PRKCB: variants seen among roughly 807,000 people sequenced by gnomAD.
The protein encoded by PRKCB is protein kinase C beta, also known as protein kinase C beta type.
PRKCB carries 13 observed loss-of-function variants against 81.5 expected under a neutral mutation model. The observed-to-expected ratio is 0.16, with a 90% CI of 0.10 to 0.25. The LOEUF (loss-of-function observed/expected upper bound fraction) is 0.25. PRKCB is among the 10% of genes least tolerant of loss of function. The probability of loss-of-function intolerance (pLI) is 1.00; values close to 1 mark genes in which losing one functional copy is unlikely to be tolerated. For synonymous variants in PRKCB, 335 were observed against 321.4 expected, an observed-to-expected ratio of 1.04 and a Z score of -0.45; for missense variants, 509 against 875.7, an observed-to-expected ratio of 0.58 and a Z score of 5.29.
intron 7 of PRKCB, among the ~76,000 whole-genome samples, chr16:24,108,642 CAT>C (rs2141913902): frequency 6.6e-6 from 1 of 150,448 alleles, no homozygotes; most frequent in East Asian, 1.9e-4. Context: ...GGACACAGCA[CAT>C]GTTTCAGAGA....
chr16:23,977,512 A>G (rs78358255), intron 2 of PRKCB, among the ~76,000 whole-genome samples: 11,838 of 152,194 alleles, frequency 0.078, 661 homozygotes, highest in South Asian at 0.15. Context: ...AGAATTGTAT[A>G]TGGGCAAAAC....
chr16:23,872,136 G>C (rs1444008472), intron 2 of PRKCB, among the ~76,000 whole-genome samples: 1 of 152,170 alleles, frequency 6.6e-6, no homozygotes, highest in Non-Finnish European at 1.5e-5. Context: ...CCAGTTCCAA[G>C]AAATGGTCTC....
chr16:23,929,258 A>G (rs1199318914), intron 2 of PRKCB, among the ~76,000 whole-genome samples: 2 of 152,146 alleles, frequency 1.3e-5, no homozygotes, highest in Admixed American at 6.5e-5. Context: ...ATGCCAGGCC[A>G]CAGAGTTTGC....
chr16:23,857,527 T>C (rs902657195), intron 2 of PRKCB, among the ~76,000 whole-genome samples: 1 of 152,116 alleles, frequency 6.6e-6, no homozygotes, highest in African/African-American at 2.4e-5. Flanking sequence ...TGTTCTCTGG[T>C]GTGCCTGATA....
At chr16:23,919,006 A>G (rs1963784458) in intron 2 of PRKCB, among the ~76,000 whole-genome samples, 1 of 152,246 alleles carries the variant, frequency 6.6e-6, no homozygotes, top group Non-Finnish European at 1.5e-5. Flanking sequence ...ACATGTTTCT[A>G]GTATCCTCTT....
At position 24,027,540 on chromosome 16, in the gene PRKCB, T is replaced by C. The variant is rs534869742; in HGVS notation, c.289-4596T>C. ...ACAGATGATTGCTGGGGTCCTTTTG[T>C]AGCTGAGAGCACTCAGGGTCCCACT... On this transcript the variant is annotated intron_variant, in intron 3 of 16. Transcript: ENST00000643927. 3.6e-3 allele frequency among the ~76,000 whole-genome samples: 542 copies of C among 152,296 alleles called. 2 individuals carry two copies. The highest frequency in any genetic ancestry group is 0.012 in the African/African-American group (503 of 41,558).
chr16:24,029,187 A>G (rs1251614615), intron 3 of PRKCB, among the ~76,000 whole-genome samples: 1 of 152,140 alleles, frequency 6.6e-6, no homozygotes, highest in African/African-American at 2.4e-5. Flanking sequence ...CGTTGGTTTT[A>G]GTTTTCAAAC....
At chr16:23,882,012 T>TTCTTTCTTTCTCTTTCTTTCTTTCTTTC (rs1567301068) in intron 2 of PRKCB, among the ~76,000 whole-genome samples, 6 of 101,966 alleles carry the variant, frequency 5.9e-5, no homozygotes, top group Non-Finnish European at 6.0e-5. Context: ...CTTTCTTTCT[T>TTCTTTCTTTCTCTTTCTTTCTTTCTTTC]TCTTTCTTTC....
chr16:23,971,180 C>T (rs1964550192), intron 2 of PRKCB, among the ~76,000 whole-genome samples: 1 of 152,168 alleles, frequency 6.6e-6, no homozygotes, highest in South Asian at 2.1e-4. Flanking sequence ...GCAGTAGTTA[C>T]CATCATTGTC....
At chr16:23,873,608 A>G (rs1962948932) in intron 2 of PRKCB, among the ~76,000 whole-genome samples, 1 of 152,228 alleles carries the variant, frequency 6.6e-6, no homozygotes, top group South Asian at 2.1e-4. Context: ...CAACTGGGAC[A>G]GATAGCATTT....
chr16:23,999,646 A>T (rs918147997), intron 3 of PRKCB, among the ~76,000 whole-genome samples: 10 of 152,142 alleles, frequency 6.6e-5, no homozygotes, highest in Admixed American at 3.3e-4. Context: ...TGTCTCTTGT[A>T]CCTCTTAGAG....
intron 2 of PRKCB, among the ~76,000 whole-genome samples, chr16:23,988,088 CTCTCT>C (rs1964825568): frequency 6.6e-6 from 1 of 152,170 alleles, no homozygotes; most frequent in Admixed American, 6.5e-5. Flanking sequence ...GTATGAACAC[CTCTCT>C]TAAGTGTGAT....
At chr16:23,858,089 A>G (rs1034450478) in intron 2 of PRKCB, among the ~76,000 whole-genome samples, 4 of 145,226 alleles carry the variant, frequency 2.8e-5, no homozygotes, top group African/African-American at 1.1e-4. Context: ...AATGACGTTG[A>G]TGATGAGGAT....
At chr16:23,962,005 G>A (rs1433590363) in intron 2 of PRKCB, among the ~76,000 whole-genome samples, 4 of 152,150 alleles carry the variant, frequency 2.6e-5, no homozygotes, top group Non-Finnish European at 5.9e-5. Context: ...TGTCACATGA[G>A]GGGATGGGTA....
At chr16:24,047,509 C>A (rs573133808) in intron 5 of PRKCB, among the ~76,000 whole-genome samples, 2 of 149,562 alleles carry the variant, frequency 1.3e-5, no homozygotes, top group Non-Finnish European at 3.0e-5. Context: ...CTAGGCTGGG[C>A]GACAGAGCGA....
intron 9 of PRKCB, among the ~76,000 whole-genome samples, chr16:24,144,092 T>G (rs1216142235): frequency 6.6e-6 from 1 of 152,062 alleles, no homozygotes; most frequent in Non-Finnish European, 1.5e-5. Flanking sequence ...TATTTCTGAT[T>G]GCTTTGGTTT....
At chr16:24,105,277 G>A (rs939817250) in intron 7 of PRKCB, among the ~76,000 whole-genome samples, 1 of 152,032 alleles carries the variant, frequency 6.6e-6, no homozygotes, top group Non-Finnish European at 1.5e-5. Flanking sequence ...GGCTGGTCTC[G>A]AACTCCTGAC....
At chr16:23,967,197 ATTGTGGCTTT>A (rs1964499613) in intron 2 of PRKCB, among the ~76,000 whole-genome samples, 1 of 152,120 alleles carries the variant, frequency 6.6e-6, no homozygotes, top group African/African-American at 2.4e-5. Flanking sequence ...CGTGGAGGTT[ATTGTGGCTTT>A]TTCTGCCCAC....
chr16:23,949,545 T>G (rs1295223463), intron 2 of PRKCB, among the ~76,000 whole-genome samples: 3 of 152,244 alleles, frequency 2.0e-5, no homozygotes, highest in African/African-American at 7.2e-5. Context: ...CGTTTTATTC[T>G]TTGTCTCCTT....
Sources: gnomAD v4.1 joint callset for allele counts (sites outside exome capture counted in the v4.1 genomes callset) on GRCh38, gnomAD v4.1.1 for gene constraint, MANE v1.5 for transcripts, NCBI Gene and HGNC (gene_info 2026-07-23, HGNC 2026-07-21) for gene names.